NALF2: variants seen among roughly 807,000 people sequenced by gnomAD.
The protein encoded by NALF2 is bB57D9.1 (TED protein).
Under a neutral mutation model 24.8 loss-of-function variants are expected in NALF2, and 1 was observed. The ratio of observed to expected loss-of-function variants is 0.04; its 90% CI spans 0.01 to 0.19. The LOEUF (loss-of-function observed/expected upper bound fraction) is 0.19, where lower values mean the gene tolerates loss of function less well. Among genes scored for constraint, NALF2 ranks in the 10% least tolerant of loss-of-function variants. NALF2 has a pLI of 1.00. For missense variants in NALF2, 458 were observed against 409.6 expected, an observed-to-expected ratio of 1.12 and a Z score of -1.02; for synonymous variants, 254 against 189.8, an observed-to-expected ratio of 1.34 and a Z score of -2.78.
intron 1 of NALF2, among the ~76,000 whole-genome samples, chrX:69,526,970 C>T (rs1930817366): frequency 1.8e-5 from 2 of 112,043 alleles, no homozygotes; most frequent in African/African-American, 6.5e-5. Context: ...GAGTCAATTG[C>T]GTTTTGAGAC....
chrX:69,514,665 C>G (rs768694898), intron 1 of NALF2, among the ~76,000 whole-genome samples: 9 of 111,750 alleles, frequency 8.1e-5, no homozygotes, highest in Admixed American at 3.8e-4. Flanking sequence ...TCCACAATGG[C>G]TGAACCATTT....
chrX:69,521,890 G>C (rs1444561700), intron 1 of NALF2, among the ~76,000 whole-genome samples: 1 of 111,779 alleles, frequency 8.9e-6, no homozygotes, highest in Non-Finnish European at 1.9e-5. Flanking sequence ...GTAGTTCCCA[G>C]TACAGTGCCA....
Position 69,504,380 on chromosome X carries a change from A to G in NALF2, c.-903A>G. 8.8e-6 allele frequency among the ~76,000 whole-genome samples: 1 copy of G among 113,011 alleles called. No homozygotes were observed. Among genetic ancestry groups the G allele is most frequent in the South Asian group, 3.6e-4 (1 of 2,770 alleles). On this transcript the variant is annotated 5_prime_UTR_variant, in exon 1 of 3. Transcript: ENST00000252338. ...CTCTTTCTCCGCCCTGCTCCCCGCC[A>G]AACACACTTGCACAGGGGCTCTCAA...
intron 1 of NALF2, among the ~76,000 whole-genome samples, chrX:69,511,020 A>G (rs1464329322): frequency 9.3e-6 from 1 of 106,977 alleles, no homozygotes; most frequent in Non-Finnish European, 1.9e-5. Flanking sequence ...ATGCCTATCC[A>G]CTTTCCAATG....
At chrX:69,508,009 C>G (rs1349444529) in intron 1 of NALF2, among the ~76,000 whole-genome samples, 2 of 110,951 alleles carry the variant, frequency 1.8e-5, no homozygotes, top group African/African-American at 6.6e-5. Context: ...AGAAATACAT[C>G]TGATCTCTCC....
At chrX:69,509,367 G>A (rs1037047106) in intron 1 of NALF2, among the ~76,000 whole-genome samples, 34 of 109,715 alleles carry the variant, frequency 3.1e-4, no homozygotes, top group African/African-American at 1.1e-3. Flanking sequence ...CTGCCTTTCT[G>A]ATTGCCTCTT....
chrX:69,513,956 G>A (rs1602193681), intron 1 of NALF2, among the ~76,000 whole-genome samples: 2 of 111,389 alleles, frequency 1.8e-5, no homozygotes, highest in South Asian at 7.6e-4. Context: ...ACTTTTGGAG[G>A]TCGAGCTGAG....
intron 1 of NALF2, among the ~76,000 whole-genome samples, chrX:69,511,381 C>A (rs1233549232): frequency 9.0e-6 from 1 of 111,579 alleles, no homozygotes; most frequent in Non-Finnish European, 1.9e-5. Flanking sequence ...TGCTCTCTTT[C>A]ATCTTCTGGT....
At chrX:69,528,771 A>G (rs189067207) in intron 1 of NALF2, among the ~76,000 whole-genome samples, 39 of 112,184 alleles carry the variant, frequency 3.5e-4, no homozygotes, top group African/African-American at 1.3e-3. Context: ...TGAGTCTTGG[A>G]TGACTGCAGA....
chrX:69,512,545 A>G (rs1412609169), intron 1 of NALF2, among the ~76,000 whole-genome samples: 1 of 111,848 alleles, frequency 8.9e-6, no homozygotes, highest in African/African-American at 3.3e-5. Flanking sequence ...AAGGGCTAAG[A>G]AAGGGGAAGG....
intron 1 of NALF2, 125 bp from the exon 2 acceptor site, chrX:69,528,868 C>A: frequency 1.6e-6 from 1 of 627,035 alleles, no homozygotes; most frequent in Non-Finnish European, 2.3e-6. Flanking sequence ...TCCTCTCTAC[C>A]CCCTGGATCT....
At position 69,505,578 on chromosome X, in the gene NALF2, TGCC is replaced by T. The variant is rs745694479; in HGVS notation, c.309_311del (p.Pro104del). 31 of 1,011,133 alleles carry T rather than the reference TGCC, an allele frequency of 3.1e-5. No individual in the cohort carries two copies. The highest frequency in any genetic ancestry group is 4.1e-5 in the African/African-American group (2 of 48,625). The allele number at this position is 1,011,133 out of a possible 1,213,427, so 83.3% of individuals were successfully genotyped here. A position where few individuals can be genotyped will look rare whatever the true frequency, so the allele number is the denominator to read the frequency against. On this transcript the variant is annotated inframe_deletion, in exon 1 of 3. Coordinates refer to ENST00000252338, the MANE Select transcript of NALF2 (RefSeq NM_015686.3). The stretch of plus-strand genomic sequence containing the variant: ...GTGCCTCCTCGCGCGGTGCTGCCGC[TGCC>T]GCCGCCGCCGCCCGGCGAGCCCAGC...
At chrX:69,521,378 G>A (rs1424092760) in intron 1 of NALF2, among the ~76,000 whole-genome samples, 1 of 110,406 alleles carries the variant, frequency 9.1e-6, no homozygotes, top group African/African-American at 3.3e-5. Context: ...AAACACAGTT[G>A]ATCACTCCTC....
intron 1 of NALF2, among the ~76,000 whole-genome samples, chrX:69,512,664 T>G (rs951766343): frequency 1.8e-5 from 2 of 112,106 alleles, no homozygotes; most frequent in African/African-American, 6.5e-5. Context: ...GGCACTATCA[T>G]GATTCCCATT....
chrX:69,505,023 C>G lies in NALF2; in HGVS notation c.-260C>G, dbSNP rs1178901155. On this transcript the variant is annotated 5_prime_UTR_variant, in exon 1 of 3. Coordinates refer to ENST00000252338, the MANE Select transcript of NALF2 (RefSeq NM_015686.3). Reference sequence around the variant, plus strand: ...CCCGCACCGCCCCCAGCCGGGACGCCGGGCAGCGCCTAGCGGGCCGGGCGG... The same window carrying G: ...CCCGCACCGCCCCCAGCCGGGACGCGGGGCAGCGCCTAGCGGGCCGGGCGG... Among the ~76,000 whole-genome samples, 1 of 105,958 alleles carries G rather than the reference C, an allele frequency of 9.4e-6. No individual in the cohort carries two copies. Among genetic ancestry groups the G allele is most frequent in the Non-Finnish European group, 2.0e-5 (1 of 50,680 alleles). The allele number at this position is 105,958 out of a possible 115,157, so 92.0% of individuals were successfully genotyped here.
chrX:69,528,656 C>G (rs757816597), intron 1 of NALF2, among the ~76,000 whole-genome samples: 2 of 112,205 alleles, frequency 1.8e-5, no homozygotes, highest in Non-Finnish European at 3.8e-5. Context: ...TCAGATACTT[C>G]CTTGGACCAA....
chrX:69,529,054 G>A lies in NALF2; in HGVS notation c.923G>A (p.Arg308His), dbSNP rs1323099858. The change falls in exon 2 of 3, where the codon CGC (arginine) becomes CAC (histidine). Residue 308 changes from arginine (R) to histidine (H), a missense_variant. By Grantham distance (29) the Arg-to-His change is conservative. Coordinates refer to ENST00000252338, the MANE Select transcript of NALF2 (RefSeq NM_015686.3). ...YFSVTQQECQ[R>H]WVPCKQYCLE... is the part of the protein sequence containing the mutation. ...AGCGTGACCCAGCAGGAATGCCAGCGCTGGGTGCCCTGCAAGCAATACTGC... is the reference window on the plus strand; with the variant it reads ...AGCGTGACCCAGCAGGAATGCCAGCACTGGGTGCCCTGCAAGCAATACTGC... 7 of 1,209,278 alleles carry A rather than the reference G, an allele frequency of 5.8e-6. No homozygotes were observed. The East Asian group carries it at 8.9e-5, about 15-fold the overall frequency.
In NALF2 at chrX:69,505,769, G is replaced by T. The variant is rs770211531; in HGVS notation, c.487G>T (p.Ala163Ser). 8.3e-7 allele frequency: 1 copy of T among 1,210,349 alleles called. No individual in the cohort carries two copies. Among genetic ancestry groups the T allele is most frequent in the Non-Finnish European group, 1.1e-6 (1 of 894,490 alleles). Reference sequence around the variant, plus strand: ...GAGACTTTTCGAACCGACTACTCCGGCCCCCCCTCTGCGGCCCCCTGACTC... The same window carrying T: ...GAGACTTTTCGAACCGACTACTCCGTCCCCCCCTCTGCGGCCCCCTGACTC... Reference protein sequence around the residue: ...LQRLFEPTTPAPPLRPPDSLS... With the variant: ...LQRLFEPTTPSPPLRPPDSLS... The change falls in exon 1 of 3, where the codon GCC (alanine) becomes TCC (serine). Residue 163 changes from alanine (A) to serine (S), a missense_variant. By Grantham distance (99) the Ala-to-Ser change is moderately conservative. Transcript: ENST00000252338.
intron 1 of NALF2, among the ~76,000 whole-genome samples, chrX:69,519,241 C>T (rs1930702097): frequency 8.9e-6 from 1 of 111,753 alleles, no homozygotes; most frequent in Non-Finnish European, 1.9e-5. Flanking sequence ...CCATTATTTT[C>T]ACTTTTTTCC....
Sources: allele counts gnomAD v4.1 joint callset (sites outside exome capture counted in the v4.1 genomes callset), GRCh38; gene constraint gnomAD v4.1.1; transcripts MANE v1.5; gene names NCBI Gene and HGNC (gene_info 2026-07-23, HGNC 2026-07-21).